SLCO5A1: variants seen among roughly 807,000 people sequenced by gnomAD.
The protein encoded by SLCO5A1 is organic anion transporter polypeptide-related protein 4.
Under a neutral mutation model 65.1 loss-of-function variants are expected in SLCO5A1, and 39 were observed. The observed-to-expected ratio is 0.60, with a 90% CI of 0.46 to 0.78. The LOEUF (loss-of-function observed/expected upper bound fraction) is 0.78. Ranked by LOEUF, SLCO5A1 falls within the 30% of genes least tolerant of loss-of-function variation. The pLI is 0.00. For missense variants in SLCO5A1, 1,029 were observed against 1,069.4 expected (o/e 0.96, Z 0.53); for synonymous variants, 438 against 415.7 (o/e 1.05, Z -0.65).
intron 6 of SLCO5A1, among the ~76,000 whole-genome samples, chr8:69,702,181 AATT>A (rs58636049): frequency 0.028 from 4,293 of 152,298 alleles, 214 homozygotes; most frequent in African/African-American, 0.097. Context: ...TAGAAATAAA[AATT>A]ATTCTTAATT....
At chr8:69,794,548 C>A in intron 2 of SLCO5A1, 1 of 357,404 alleles carries the variant, frequency 2.8e-6, no homozygotes, top group South Asian at 2.7e-5. Flanking sequence ...CTATGTGGAT[C>A]AGGATTTGTC....
intron 2 of SLCO5A1, among the ~76,000 whole-genome samples, chr8:69,808,534 T>G (rs1820103071): frequency 6.6e-6 from 1 of 152,242 alleles, no homozygotes; most frequent in Non-Finnish European, 1.5e-5. Flanking sequence ...TTCCATGGTG[T>G]GTATGTACCA....
rs200983629 is a variant in SLCO5A1 at position 69,673,079 on chromosome 8, G to C, written c.2337C>G (p.Thr779=). 1 of 1,614,176 alleles carries C rather than the reference G, an allele frequency of 6.2e-7. No homozygotes were observed. Among genetic ancestry groups the C allele is most frequent in the Non-Finnish European group, 8.5e-7 (1 of 1,180,042 alleles). The change falls in exon 10 of 10, where the codon ACC becomes ACG. Residue 779 remains threonine, a synonymous_variant. Transcript: ENST00000260126. ...RRRQREFPLS[T]VSERVGHPDN... ...CGGGGTGTCCCACTCTCTCACTCAC[G>C]GTGCTCAGGGGAAATTCTCTCTGCC...
chr8:69,825,857 T>C (rs967657429), intron 2 of SLCO5A1, among the ~76,000 whole-genome samples: 1 of 152,178 alleles, frequency 6.6e-6, no homozygotes, highest in African/African-American at 2.4e-5. Flanking sequence ...GCTGGAGGCA[T>C]CACACTACCT....
chr8:69,804,116 G>T (rs1184192134), intron 2 of SLCO5A1, among the ~76,000 whole-genome samples: 1 of 152,088 alleles, frequency 6.6e-6, no homozygotes, highest in Non-Finnish European at 1.5e-5. Flanking sequence ...GGGAGCAAGC[G>T]AGAGACCATG....
intron 6 of SLCO5A1, among the ~76,000 whole-genome samples, chr8:69,697,742 G>A (rs762125107): frequency 1.3e-5 from 2 of 152,010 alleles, no homozygotes; most frequent in Non-Finnish European, 2.9e-5. Context: ...AGAGAAATGA[G>A]AACTAAGGCT....
chr8:69,764,909 C>A (rs185168009), intron 2 of SLCO5A1, among the ~76,000 whole-genome samples: 1 of 152,258 alleles, frequency 6.6e-6, no homozygotes, highest in Admixed American at 6.5e-5. Context: ...ACTGCAACAT[C>A]TTGGAGTGGC....
In SLCO5A1 at chr8:69,679,769, G is replaced by C; in HGVS notation, c.1783-150C>G. ...TTTCATTGAAAGTACCTTCCTCATT[G>C]GTAACAGTAAGGATCTCAAGTGTGT... On this transcript the variant is annotated intron_variant, in intron 7 of 9. Coordinates refer to ENST00000260126, the MANE Select transcript of SLCO5A1 (RefSeq NM_030958.3). 8 of 1,146,110 alleles carry C rather than the reference G, an allele frequency of 7.0e-6. No individual in the cohort carries two copies. The Middle Eastern group carries it at 1.3e-3, about 183-fold the overall frequency. The allele number at this position is 1,146,110 out of a possible 1,614,324, so 71.0% of individuals were successfully genotyped here. A position where few individuals can be genotyped will look rare whatever the true frequency, so the allele number is the denominator to read the frequency against.
chr8:69,832,761 C>T lies in SLCO5A1; in HGVS notation c.-88G>A, dbSNP rs986464337. 1.1e-5 allele frequency: 16 copies of T among 1,460,104 alleles called. No individual in the cohort carries two copies. Among genetic ancestry groups the T allele is most frequent in the South Asian group, 1.3e-5 (1 of 74,222 alleles). The allele number at this position is 1,460,104 out of a possible 1,614,324, so 90.4% of individuals were successfully genotyped here. A position where few individuals can be genotyped will look rare whatever the true frequency, so the allele number is the denominator to read the frequency against. On this transcript the variant is annotated 5_prime_UTR_variant, in exon 2 of 10. An upstream open reading frame in the 5' UTR gains an earlier in-frame stop. Coordinates refer to ENST00000260126, the MANE Select transcript of SLCO5A1 (RefSeq NM_030958.3). The surrounding 1 kb of genome is among the most constrained non-coding windows in gnomAD (Gnocchi z 4.5). The stretch of plus-strand genomic sequence containing the variant: ...CGGCACGAGGGGCCGAAGCCGGGCC[C>T]AGTCAGTCTTGCCCACCTGGGACTG...
In SLCO5A1 at chr8:69,832,950, C is replaced by G. The variant is rs1821240010; in HGVS notation, c.-277G>C. 2.3e-6 allele frequency: 1 copy of G among 433,948 alleles called. No individual in the cohort carries two copies. Among genetic ancestry groups the G allele is most frequent in the Admixed American group, 4.3e-5 (1 of 23,092 alleles). 26.9% of individuals were successfully genotyped at this position (433,948 alleles called of 1,614,324 possible). ...GCCCTACTCGGCGTCCCTCTCCGGG[C>G]GGTAGCTTGAGGCAGGCGCCTCGCG... On this transcript the variant is annotated 5_prime_UTR_variant, in exon 2 of 10. Transcript: ENST00000260126. This position sits in a 1 kb window ranked among gnomAD's most constrained non-coding sequence, Gnocchi z 4.5.
chr8:69,747,184 G>A (rs1397002072), intron 4 of SLCO5A1, among the ~76,000 whole-genome samples: 1 of 152,184 alleles, frequency 6.6e-6, no homozygotes, highest in Admixed American at 6.5e-5. Flanking sequence ...CTTCTCTTAG[G>A]AAGTGTAAGT....
intron 2 of SLCO5A1, among the ~76,000 whole-genome samples, chr8:69,776,370 C>A (rs903823173): frequency 1.3e-5 from 2 of 152,074 alleles, no homozygotes; most frequent in African/African-American, 2.4e-5. Context: ...ATACAAAATT[C>A]TTTTAATAAT....
chr8:69,685,280 T>C (rs1012480632), intron 6 of SLCO5A1, among the ~76,000 whole-genome samples: 1 of 152,206 alleles, frequency 6.6e-6, no homozygotes, highest in Non-Finnish European at 1.5e-5. Flanking sequence ...CCAGAAAACA[T>C]ACTGGATTCT....
chr8:69,713,636 C>G (rs1815379001), intron 5 of SLCO5A1: 1 of 152,180 alleles, frequency 6.6e-6, no homozygotes, highest in African/African-American at 2.4e-5. Context: ...GTGTGTCTTA[C>G]AATCAATAGT....
In SLCO5A1 at chr8:69,670,896, C is replaced by T. The variant is rs1813310857; in HGVS notation, c.*1973G>A. On this transcript the variant is annotated 3_prime_UTR_variant, in exon 10 of 10. Transcript: ENST00000260126. ...AAATTTCTCCTTTAAAGGATCAGAG[C>T]TCTCCCATAGAGGGTAAAGGGGAAC... 1 of 152,210 alleles carries T rather than the reference C, an allele frequency of 6.6e-6. No homozygotes were observed. The highest frequency in any genetic ancestry group is 2.4e-5 in the African/African-American group (1 of 41,460). 9.4% of individuals were successfully genotyped at this position (152,210 alleles called of 1,614,324 possible). A position where few individuals can be genotyped will look rare whatever the true frequency, so the allele number is the denominator to read the frequency against.
chr8:69,754,762 T>C lies in SLCO5A1; in HGVS notation c.1258+662A>G, dbSNP rs116044302. Among the ~76,000 whole-genome samples the C allele has an allele frequency of 8.7e-3, 1,325 of 152,252 alleles. 22 individuals carry two copies. Among genetic ancestry groups the C allele is most frequent in the African/African-American group, 0.03 (1,259 of 41,546 alleles). Reference sequence around the variant, plus strand: ...ATCTAGTTTAATATAATCAGTATTTTTAAGAGAAATAAAAATGAAAAAAAA... The same window carrying C: ...ATCTAGTTTAATATAATCAGTATTTCTAAGAGAAATAAAAATGAAAAAAAA... On this transcript the variant is annotated intron_variant, in intron 4 of 9. Coordinates refer to ENST00000260126, the MANE Select transcript of SLCO5A1 (RefSeq NM_030958.3).
chr8:69,698,256 T>C lies in SLCO5A1; in HGVS notation c.1622+6775A>G, dbSNP rs559221035. Among the ~76,000 whole-genome samples, 26 of 152,330 alleles carry C rather than the reference T, an allele frequency of 1.7e-4. No homozygotes were observed. The South Asian group carries it at 1.9e-3, about 11-fold the overall frequency. ...CACATTTTCTTTATGTAGTCTCTTA[T>C]TGATGGCCATTTAGATTGATTCCAT... On this transcript the variant is annotated intron_variant, in intron 6 of 9. Transcript: ENST00000260126.
intron 5 of SLCO5A1, among the ~76,000 whole-genome samples, chr8:69,720,771 C>T (rs1486587445): frequency 3.9e-5 from 6 of 152,216 alleles, no homozygotes; most frequent in Non-Finnish European, 7.3e-5. Flanking sequence ...TTGCTACTTA[C>T]TCTCCAATGA....
At chr8:69,811,995 G>A (rs1820223979) in intron 2 of SLCO5A1, among the ~76,000 whole-genome samples, 1 of 152,212 alleles carries the variant, frequency 6.6e-6, no homozygotes, top group Admixed American at 6.5e-5. Context: ...AGTAGGTTTA[G>A]AAGAAACCAG....
Sources: allele counts gnomAD v4.1 joint callset (sites outside exome capture counted in the v4.1 genomes callset), GRCh38; gene constraint gnomAD v4.1.1; non-coding constraint Gnocchi (gnomAD v3.1); transcripts MANE v1.5; gene names NCBI Gene and HGNC (gene_info 2026-07-23, HGNC 2026-07-21).